DYDC2: variants seen among roughly 807,000 people sequenced by gnomAD.
DYDC2 encodes DPY30 domain-containing protein 2.
A neutral mutation model predicts 18.7 loss-of-function variants in DYDC2; 19 were observed. The ratio of observed to expected loss-of-function variants is 1.02; its 90% CI spans 0.71 to 1.49. DYDC2 has a LOEUF of 1.49. DYDC2 is among the 40% of genes most tolerant of loss of function. The probability of loss-of-function intolerance (pLI) is 0.00; values close to 1 mark genes in which losing one functional copy is unlikely to be tolerated. For synonymous variants in DYDC2, 63 were observed against 67.6 expected (o/e 0.93, Z 0.34); for missense variants, 179 against 205.1 (o/e 0.87, Z 0.78).
chr10:80,367,687 C>T lies in DYDC2; in HGVS notation c.*736C>T, dbSNP rs1843879598. 6.6e-6 allele frequency: 1 copy of T among 152,208 alleles called. No individual in the cohort carries two copies. The highest frequency in any genetic ancestry group is 1.5e-5 in the Non-Finnish European group (1 of 68,036). The allele number at this position is 152,208 out of a possible 1,614,324, so 9.4% of individuals were successfully genotyped here. On this transcript the variant is annotated 3_prime_UTR_variant, in exon 5 of 5. Coordinates refer to ENST00000256039, the MANE Select transcript of DYDC2 (RefSeq NM_032372.6). ...TCATGTCTTAACTTTTGCTTCACTT[C>T]ACAGTCAGGCCTCTCCGAGTATTTT...
upstream of DYDC2, among the ~76,000 whole-genome samples, chr10:80,355,425 A>C (rs985517325): frequency 6.6e-6 from 1 of 152,120 alleles, no homozygotes; most frequent in Non-Finnish European, 1.5e-5. Context: ...GGAGAATTTG[A>C]CAACATCTAG....
upstream of DYDC2, chr10:80,352,466 T>C (rs1399771633): frequency 6.2e-7 from 1 of 1,604,202 alleles, no homozygotes; most frequent in Admixed American, 1.7e-5. Flanking sequence ...AGTTGTTCCA[T>C]GGTCACATTT....
chr10:80,363,115 A>G (rs1279355488), intron 4 of DYDC2, 42 bp downstream of exon 4: 7 of 1,582,198 alleles, frequency 4.4e-6, no homozygotes, highest in Non-Finnish European at 5.1e-6. Flanking sequence ...CACACATCCC[A>G]GTGATGGACT....
chr10:80,345,860 C>T (rs1408434596), intron 1 of DYDC2, among the ~76,000 whole-genome samples: 1 of 152,030 alleles, frequency 6.6e-6, no homozygotes, highest in African/African-American at 2.4e-5. Context: ...ATGAGAAATA[C>T]ATCTTACGTT....
intron 4 of DYDC2, among the ~76,000 whole-genome samples, chr10:80,366,341 C>A (rs765057834): frequency 3.9e-5 from 6 of 152,074 alleles, no homozygotes; most frequent in Non-Finnish European, 5.9e-5. Flanking sequence ...CATTCTGGGG[C>A]CTTTTTCTGT....
At chr10:80,356,180 A>G, upstream of DYDC2, 1 of 921,312 alleles carries the variant, frequency 1.1e-6, no homozygotes, top group Non-Finnish European at 1.3e-6. Flanking sequence ...CAACTCCCTT[A>G]GCATGTTCCT....
At chr10:80,358,424 C>T (rs888105110) in intron 2 of DYDC2, among the ~76,000 whole-genome samples, 11 of 152,302 alleles carry the variant, frequency 7.2e-5, no homozygotes, top group Admixed American at 5.2e-4. Context: ...CCCCTCCAGC[C>T]CTCAGATTAT....
In DYDC2 at chr10:80,365,617, G is replaced by A. The variant is rs532819527; in HGVS notation, c.271-1071G>A. The stretch of plus-strand genomic sequence containing the variant: ...GTACAACTTCCAGGCAAAGATTGAA[G>A]TGGAGGGGATCAGTAGAGCCTAAGC... On this transcript the variant is annotated intron_variant, in intron 4 of 4. Coordinates refer to ENST00000256039, the MANE Select transcript of DYDC2 (RefSeq NM_032372.6). Among the ~76,000 whole-genome samples, 8 of 152,344 alleles carry A rather than the reference G, an allele frequency of 5.3e-5. No individual in the cohort carries two copies. In the South Asian group the frequency reaches 1.7e-3, roughly 32 times the overall value.
Position 80,367,181 on chromosome 10 carries a change from C to A in DYDC2, c.*230C>A. The A allele has an allele frequency of 2.1e-6, 1 of 481,026 alleles. No homozygotes were observed. Among genetic ancestry groups the A allele is most frequent in the Non-Finnish European group, 3.5e-6 (1 of 282,608 alleles). The allele number at this position is 481,026 out of a possible 1,614,324, so 29.8% of individuals were successfully genotyped here. A position where few individuals can be genotyped will look rare whatever the true frequency, so the allele number is the denominator to read the frequency against. Reference sequence around the variant, plus strand: ...AACCAAGTGGCTGTGACTTTTTCCTCTTGTTTTATCAACGTTTTGGAGACT... The same window carrying A: ...AACCAAGTGGCTGTGACTTTTTCCTATTGTTTTATCAACGTTTTGGAGACT... On this transcript the variant is annotated 3_prime_UTR_variant, in exon 5 of 5. Coordinates refer to ENST00000256039, the MANE Select transcript of DYDC2 (RefSeq NM_032372.6).
At chr10:80,366,652 A>T (rs1485651368) in intron 4 of DYDC2, 36 bp from the exon 5 acceptor site, 1 of 1,566,704 alleles carries the variant, frequency 6.4e-7, no homozygotes, top group Non-Finnish European at 8.6e-7. Flanking sequence ...TTTAGTCTCT[A>T]ATAATAAGTT....
chr10:80,366,996 A>C lies in DYDC2; in HGVS notation c.*45A>C. On this transcript the variant is annotated 3_prime_UTR_variant, in exon 5 of 5. Coordinates refer to ENST00000256039, the MANE Select transcript of DYDC2 (RefSeq NM_032372.6). Reference sequence around the variant, plus strand: ...TCTGATTTACTTCTCTCAAAGCTAGAAGCCAAGAAAATGGCCAGCTAGAAC... The same window carrying C: ...TCTGATTTACTTCTCTCAAAGCTAGCAGCCAAGAAAATGGCCAGCTAGAAC... The C allele has an allele frequency of 6.4e-7, 1 of 1,557,620 alleles. No individual in the cohort carries two copies. The highest frequency in any genetic ancestry group is 8.6e-7 in the Non-Finnish European group (1 of 1,156,450).
At chr10:80,348,762 T>G (rs1292689510) in intron 1 of DYDC2, among the ~76,000 whole-genome samples, 3 of 152,228 alleles carry the variant, frequency 2.0e-5, no homozygotes, top group African/African-American at 7.2e-5. Flanking sequence ...TAGAAATACC[T>G]TCTAAGGAAT....
In DYDC2 at chr10:80,363,080, A is replaced by G; in HGVS notation, c.270+7A>G. On this transcript the variant is annotated splice_region_variant and intron_variant, in intron 4 of 4. Coordinates refer to ENST00000256039, the MANE Select transcript of DYDC2 (RefSeq NM_032372.6). ...CTGTGAAAAGTGTCACAAGGTAGGG[A>G]GAAGGACTCAGCTTTGGGTTGCCAC... The G allele has an allele frequency of 6.2e-7, 1 of 1,609,172 alleles. No homozygotes were observed.
In DYDC2 at chr10:80,356,840, C is replaced by A. The variant is rs80172528; in HGVS notation, c.-163+15C>A. On this transcript the variant is annotated intron_variant, in intron 1 of 4. Coordinates refer to ENST00000256039, the MANE Select transcript of DYDC2 (RefSeq NM_032372.6). ...CGCGCGGATAGGTGAGCAGAGGGCA[C>A]GCGGTGGGCAGCGAAGGGGGAACGC... The A allele has an allele frequency of 4.1e-6, 4 of 984,928 alleles. No individual in the cohort carries two copies. The highest frequency in any genetic ancestry group is 4.8e-6 in the Non-Finnish European group (4 of 830,260). The allele number at this position is 984,928 out of a possible 1,614,324, so 61.0% of individuals were successfully genotyped here.
At chr10:80,362,905 G>T (rs1436976900) in intron 3 of DYDC2, 46 bp from the exon 4 acceptor site, 2 of 1,594,508 alleles carry the variant, frequency 1.3e-6, no homozygotes, top group South Asian at 1.2e-5. Context: ...CGTTTATAAG[G>T]CTTCCCTGGT....
intron 1 of DYDC2, among the ~76,000 whole-genome samples, chr10:80,357,062 G>C (rs1843423998): frequency 6.8e-6 from 1 of 146,558 alleles, no homozygotes; most frequent in East Asian, 2.1e-4. Flanking sequence ...GTGCGGAAGG[G>C]GGCGCGCGCC....
chr10:80,352,483 T>C (rs1429409789), upstream of DYDC2: 5 of 1,610,664 alleles, frequency 3.1e-6, no homozygotes, highest in African/African-American at 2.7e-5. Flanking sequence ...ATTTTCCTTA[T>C]ACTTGTAAAT....
chr10:80,354,486 CAAAAAAAAAAA>C (rs1012219418), upstream of DYDC2: 4 of 69,302 alleles, frequency 5.8e-5, no homozygotes, highest in African/African-American at 1.7e-4. Flanking sequence ...AACTTCGTCT[CAAAAAAAAAAA>C]AAAAAAAAAG....
In DYDC2 at chr10:80,367,195, GTTTT is replaced by G; in HGVS notation, c.*245_*248del. The G allele has an allele frequency of 9.0e-6, 4 of 442,422 alleles. No individual in the cohort carries two copies. Among genetic ancestry groups the G allele is most frequent in the Admixed American group, 4.1e-5 (1 of 24,168 alleles). The allele number at this position is 442,422 out of a possible 1,614,324, so 27.4% of individuals were successfully genotyped here. On this transcript the variant is annotated 3_prime_UTR_variant, in exon 5 of 5. Coordinates refer to ENST00000256039, the MANE Select transcript of DYDC2 (RefSeq NM_032372.6). The stretch of plus-strand genomic sequence containing the variant: ...GACTTTTTCCTCTTGTTTTATCAAC[GTTTT>G]GGAGACTACACAATGAAAACACATC...
Sources: allele counts gnomAD v4.1 joint callset (sites outside exome capture counted in the v4.1 genomes callset), GRCh38; gene constraint gnomAD v4.1.1; transcripts MANE v1.5; gene names NCBI Gene and HGNC (gene_info 2026-07-23, HGNC 2026-07-21).